Variants in IMMP2L observed in about 807,000 individuals in gnomAD.
The protein encoded by IMMP2L is mitochondrial inner membrane protease subunit 2.
A neutral mutation model predicts 19.3 loss-of-function variants in IMMP2L; 18 were observed. The observed-to-expected ratio is 0.93, with a 90% CI of 0.64 to 1.38. The LOEUF (loss-of-function observed/expected upper bound fraction) is 1.38, where lower values mean the gene tolerates loss of function less well. Among genes scored for constraint, IMMP2L ranks in the 40% most tolerant of loss-of-function variants. IMMP2L has a pLI of 0.00. For missense variants in IMMP2L, 233 were observed against 218.2 expected, an observed-to-expected ratio of 1.07 and a Z score of -0.43; for synonymous variants, 76 against 73.0, an observed-to-expected ratio of 1.04 and a Z score of -0.21.
rs1308624089 is a variant in IMMP2L, at chr7:111,508,254, A to G, written c.135+13059T>C. Reference sequence around the variant, plus strand: ...TAAATAGTCTTAAAAGCAAATGACAAGCTAAAAAGTATAAAACAGGCATTT... The same window carrying G: ...TAAATAGTCTTAAAAGCAAATGACAGGCTAAAAAGTATAAAACAGGCATTT... On this transcript the variant is annotated intron_variant, in intron 2 of 5. Coordinates refer to ENST00000405709, the MANE Select transcript of IMMP2L (RefSeq NM_032549.4). 2.0e-5 allele frequency among the ~76,000 whole-genome samples: 3 copies of G among 152,268 alleles called. No individual in the cohort carries two copies. The South Asian group carries it at 6.2e-4, about 32-fold the overall frequency.
intron 4 of IMMP2L, among the ~76,000 whole-genome samples, chr7:110,904,781 C>G (rs540635104): frequency 2.6e-5 from 4 of 152,274 alleles, no homozygotes; most frequent in South Asian, 2.1e-4. Flanking sequence ...GCATCTTAGG[C>G]TAAATTGCGA....
intron 3 of IMMP2L, among the ~76,000 whole-genome samples, chr7:111,212,778 A>G (rs1183913496): frequency 6.6e-6 from 1 of 152,246 alleles, no homozygotes; most frequent in Non-Finnish European, 1.5e-5. Context: ...GAGCAATTCT[A>G]AAGGTAAAGG....
intron 2 of IMMP2L, among the ~76,000 whole-genome samples, chr7:111,515,001 A>G (rs1300552138): frequency 2.0e-5 from 3 of 152,042 alleles, no homozygotes; most frequent in Admixed American, 6.6e-5. Flanking sequence ...CTTTCTTTCA[A>G]CTACATTTAG....
chr7:111,558,359 G>A (rs1409407110), intron 1 of IMMP2L, among the ~76,000 whole-genome samples: 2 of 152,176 alleles, frequency 1.3e-5, no homozygotes, highest in Non-Finnish European at 2.9e-5. Context: ...TGGATGCAAG[G>A]GCAAGGGATA....
At chr7:111,369,981 T>C (rs111812469) in intron 3 of IMMP2L, among the ~76,000 whole-genome samples, 5 of 152,122 alleles carry the variant, frequency 3.3e-5, no homozygotes, top group African/African-American at 1.2e-4. Flanking sequence ...TTTAGTATAA[T>C]CTGTTAAGGA....
chr7:110,704,091 C>G (rs1184504841), intron 5 of IMMP2L, among the ~76,000 whole-genome samples: 1 of 152,116 alleles, frequency 6.6e-6, no homozygotes, highest in Non-Finnish European at 1.5e-5. Flanking sequence ...TCATGATCCA[C>G]CCGCCTTGGC....
rs914653491 is a variant in IMMP2L at position 110,932,505 on chromosome 7, T to C, written c.305+30995A>G. Among the ~76,000 whole-genome samples, 5 of 152,094 alleles carry C rather than the reference T, an allele frequency of 3.3e-5. No individual in the cohort carries two copies. The East Asian group carries it at 9.7e-4, about 29-fold the overall frequency. ...AGTAGCTGGGACTACAGGCGCCCAC[T>C]ACCATGCCAGGTGATTTTTTTGTAT... On this transcript the variant is annotated intron_variant, in intron 4 of 5. Transcript: ENST00000405709.
At chr7:110,664,913 A>G (rs1255171063) in intron 5 of IMMP2L, 1 of 152,168 alleles carries the variant, frequency 6.6e-6, no homozygotes, top group African/African-American at 2.4e-5. Context: ...TCTATTTGCT[A>G]TCACATGAAT....
chr7:111,353,431 T>C (rs1430117220), intron 3 of IMMP2L, among the ~76,000 whole-genome samples: 1 of 152,124 alleles, frequency 6.6e-6, no homozygotes, highest in Non-Finnish European at 1.5e-5. Flanking sequence ...TTGTTAAAAG[T>C]TAAAATAAAA....
rs193288880 is a variant in IMMP2L at position 110,809,921 on chromosome 7, C to T, written c.408+76672G>A. The stretch of plus-strand genomic sequence containing the variant: ...CACCCTTTCCCCCATTCTTCAGTTC[C>T]AAAAGCTTTACATACACTTTGGAAA... On this transcript the variant is annotated intron_variant, in intron 5 of 5. Transcript: ENST00000405709. Among the ~76,000 whole-genome samples, 18 of 152,132 alleles carry T rather than the reference C, an allele frequency of 1.2e-4. 1 individual carries two copies. Among genetic ancestry groups the T allele is most frequent in the Non-Finnish European group, 7.4e-5 (5 of 67,968 alleles).
At chr7:111,280,846 G>T (rs1175572084) in intron 3 of IMMP2L, among the ~76,000 whole-genome samples, 1 of 152,030 alleles carries the variant, frequency 6.6e-6, no homozygotes, top group Non-Finnish European at 1.5e-5. Context: ...GAGGCAGGCA[G>T]ATCACGAGGT....
At position 110,775,817 on chromosome 7, in the gene IMMP2L, C is replaced by G. The variant is rs962936577; in HGVS notation, c.408+110776G>C. Among the ~76,000 whole-genome samples the G allele has an allele frequency of 6.0e-5, 9 of 151,180 alleles. No homozygotes were observed. In the South Asian group the frequency reaches 1.9e-3, roughly 32 times the overall value. On this transcript the variant is annotated intron_variant, in intron 5 of 5. Coordinates refer to ENST00000405709, the MANE Select transcript of IMMP2L (RefSeq NM_032549.4). ...TCAATTTTCTCCTCTAAAAAAAAAACATGGGAATTGTTCTTAAACAGGAAG... is the reference window on the plus strand; with the variant it reads ...TCAATTTTCTCCTCTAAAAAAAAAAGATGGGAATTGTTCTTAAACAGGAAG...
At chr7:110,844,410 A>G (rs1171999607) in intron 5 of IMMP2L, among the ~76,000 whole-genome samples, 1 of 152,130 alleles carries the variant, frequency 6.6e-6, no homozygotes, top group Non-Finnish European at 1.5e-5. Context: ...GACAGCAGCA[A>G]TTGCAAAATA....
chr7:111,065,607 C>T (rs939765383), intron 3 of IMMP2L, among the ~76,000 whole-genome samples: 1 of 152,098 alleles, frequency 6.6e-6, no homozygotes, highest in African/African-American at 2.4e-5. Context: ...GCCTGTGTGG[C>T]CAGGATATAA....
At chr7:111,364,634 CAAAA>C (rs112108805) in intron 3 of IMMP2L, among the ~76,000 whole-genome samples, 2 of 62,668 alleles carry the variant, frequency 3.2e-5, no homozygotes, top group Admixed American at 1.7e-4. Context: ...GACTCGGTCT[CAAAA>C]AAAAAAAAAA....
chr7:110,732,442 C>T (rs999710568), intron 5 of IMMP2L, among the ~76,000 whole-genome samples: 1 of 152,080 alleles, frequency 6.6e-6, no homozygotes, highest in Non-Finnish European at 1.5e-5. Context: ...ACTGCCTCTC[C>T]CTAATTTGGC....
At chr7:111,249,614 AAG>A (rs1815833535) in intron 3 of IMMP2L, among the ~76,000 whole-genome samples, 1 of 152,210 alleles carries the variant, frequency 6.6e-6, no homozygotes, top group Non-Finnish European at 1.5e-5. Context: ...TTAGAAGAGA[AAG>A]TCATATTTGT....
chr7:111,045,544 T>C (rs962270325), intron 3 of IMMP2L, among the ~76,000 whole-genome samples: 5 of 152,310 alleles, frequency 3.3e-5, no homozygotes, highest in Non-Finnish European at 4.4e-5. Flanking sequence ...ATATTTGTGA[T>C]CCAGACCTTG....
At chr7:111,301,052 T>C (rs1822180317) in intron 3 of IMMP2L, among the ~76,000 whole-genome samples, 1 of 152,160 alleles carries the variant, frequency 6.6e-6, no homozygotes, top group South Asian at 2.1e-4. Context: ...CAATTTTGTG[T>C]ATCCTATCAG....
Sources: gnomAD v4.1 joint callset for allele counts (sites outside exome capture counted in the v4.1 genomes callset) on GRCh38, gnomAD v4.1.1 for gene constraint, MANE v1.5 for transcripts, NCBI Gene and HGNC (gene_info 2026-07-23, HGNC 2026-07-21) for gene names.